RNF145: variants seen among roughly 807,000 people sequenced by gnomAD.
RNF145 encodes the protein ring finger protein 145.
Under a neutral mutation model 57.3 loss-of-function variants are expected in RNF145, and 12 were observed. That is an observed-to-expected ratio of 0.21 (90% CI 0.13 to 0.34). The LOEUF is 0.34. Among genes scored for constraint, RNF145 ranks in the 10% least tolerant of loss-of-function variants. The probability of loss-of-function intolerance (pLI) is 1.00; values close to 1 mark genes in which losing one functional copy is unlikely to be tolerated. For missense variants in RNF145, 429 were observed against 799.0 expected (o/e 0.54, Z 5.58); for synonymous variants, 262 against 288.3 (o/e 0.91, Z 0.92).
At chr5:159,173,241 G>C (rs902465692) in intron 6 of RNF145, among the ~76,000 whole-genome samples, 1 of 150,998 alleles carries the variant, frequency 6.6e-6, no homozygotes, top group African/African-American at 2.4e-5. Flanking sequence ...TTTTTTTTTT[G>C]CAAGTTTTTT....
At position 159,194,832 on chromosome 5, in the gene RNF145, A is replaced by T; in HGVS notation, c.185-8T>A. Reference sequence around the variant, plus strand: ...CCACACTTAAGATATAACCTGTACCAGAAAGATAAATAAAATACAATTTTA... The same window carrying T: ...CCACACTTAAGATATAACCTGTACCTGAAAGATAAATAAAATACAATTTTA... On this transcript the variant is annotated splice_polypyrimidine_tract_variant and splice_region_variant and intron_variant, in intron 2 of 10. Transcript: ENST00000424310. 1 of 1,532,276 alleles carries T rather than the reference A, an allele frequency of 6.5e-7. No homozygotes were observed. Among genetic ancestry groups the T allele is most frequent in the Non-Finnish European group, 8.9e-7 (1 of 1,120,326 alleles). 94.9% of individuals were successfully genotyped at this position (1,532,276 alleles called of 1,614,324 possible). A position where few individuals can be genotyped will look rare whatever the true frequency, so the allele number is the denominator to read the frequency against.
At chr5:159,197,032 A>G (rs1025006975) in intron 2 of RNF145, among the ~76,000 whole-genome samples, 2 of 152,242 alleles carry the variant, frequency 1.3e-5, no homozygotes, top group Admixed American at 1.3e-4. Flanking sequence ...GCATTCCTAG[A>G]CATGGAAGAT....
chr5:159,195,829 A>AT (rs2113215529), intron 2 of RNF145, among the ~76,000 whole-genome samples: 1 of 152,304 alleles, frequency 6.6e-6, no homozygotes, highest in African/African-American at 2.4e-5. Flanking sequence ...ACATATCCTC[A>AT]TTTCTTAATC....
chr5:159,208,171 C>A, intron 1 of RNF145: 1 of 1,385,612 alleles, frequency 7.2e-7, no homozygotes, highest in Non-Finnish European at 9.3e-7. Context: ...ACTACAGTAA[C>A]CCCAACCCAG....
chr5:159,196,856 G>A lies in RNF145; in HGVS notation c.185-2032C>T, dbSNP rs564957895. ...ACTTCTCCTTAAACTCTCTTTTAAC[G>A]AAACTGTCATTTTCCTTTCCAGAAC... On this transcript the variant is annotated intron_variant, in intron 2 of 10. Transcript: ENST00000424310. Among the ~76,000 whole-genome samples, 5 of 152,230 alleles carry A rather than the reference G, an allele frequency of 3.3e-5. No individual in the cohort carries two copies. The South Asian group carries it at 8.3e-4, about 25-fold the overall frequency.
At chr5:159,172,669 A>G (rs564605796) in intron 6 of RNF145, among the ~76,000 whole-genome samples, 5 of 152,306 alleles carry the variant, frequency 3.3e-5, no homozygotes, top group East Asian at 1.9e-4. Flanking sequence ...CAGTACCAGT[A>G]TAAGTTTATC....
chr5:159,194,939 T>C, intron 2 of RNF145, 115 bp from the exon 3 acceptor site: 1 of 680,318 alleles, frequency 1.5e-6, no homozygotes. Flanking sequence ...CTTTCTGAGG[T>C]TTTTTATTAT....
At chr5:159,209,787 A>G, upstream of RNF145, 1 of 1,453,622 alleles carries the variant, frequency 6.9e-7, no homozygotes, top group Non-Finnish European at 9.3e-7. Context: ...GACAGGCGCC[A>G]TTCTGACACA....
chr5:159,180,884 T>A (rs1266045825), intron 4 of RNF145, among the ~76,000 whole-genome samples: 2 of 151,894 alleles, frequency 1.3e-5, no homozygotes, highest in Non-Finnish European at 2.9e-5. Flanking sequence ...AGTTTTAGAT[T>A]TTGCAGGCTG....
chr5:159,179,329 C>A (rs1374015668), intron 4 of RNF145, among the ~76,000 whole-genome samples: 4 of 152,080 alleles, frequency 2.6e-5, no homozygotes, highest in Non-Finnish European at 1.5e-5. Flanking sequence ...TTGCCTATTT[C>A]AACTTTTAAC....
intron 10 of RNF145, among the ~76,000 whole-genome samples, chr5:159,160,514 T>A (rs111653954): frequency 7.0e-4 from 106 of 152,308 alleles, no homozygotes; most frequent in South Asian, 1.2e-3. Context: ...ACTCTTTGAG[T>A]GACTTTAAAA....
intron 6 of RNF145, among the ~76,000 whole-genome samples, chr5:159,172,664 C>A (rs2113123515): frequency 6.6e-6 from 1 of 152,230 alleles, no homozygotes; most frequent in African/African-American, 2.4e-5. Context: ...TGATTCAGTA[C>A]CAGTATAAGT....
chr5:159,161,457 A>C lies in RNF145; in HGVS notation c.1435T>G (p.Phe479Val). The C allele has an allele frequency of 2.5e-6, 4 of 1,614,228 alleles. No homozygotes were observed. The highest frequency in any genetic ancestry group is 3.4e-6 in the Non-Finnish European group (4 of 1,180,036). Residue 479 changes from phenylalanine (F) to valine (V), a missense_variant, in exon 10 of 11, where the codon TTT (phenylalanine) becomes GTT (valine). Physicochemically the swap from Phe to Val is conservative, Grantham distance 50 (BLOSUM62 -1). This residue lies in a region of RNF145 where 216 missense variants were observed against 457.6 expected (regional missense o/e 0.47). Transcript: ENST00000424310. ...GAGCCCATCACTGTCCATTCTCCAA[A>C]GATGGTCTCTGAGACGCCATAGGCC... ...VVAYGVSETI[F>V]GEWTVMGSMI...
chr5:159,163,768 T>C (rs992322008), intron 8 of RNF145, among the ~76,000 whole-genome samples: 2 of 152,154 alleles, frequency 1.3e-5, no homozygotes, highest in African/African-American at 4.8e-5. Context: ...CACTCCTAAT[T>C]TTTCCATCCA....
intron 4 of RNF145, among the ~76,000 whole-genome samples, chr5:159,181,002 G>A (rs1323807111): frequency 2.6e-5 from 4 of 151,830 alleles, no homozygotes; most frequent in African/African-American, 7.3e-5. Flanking sequence ...CTCAGGCGAC[G>A]GATGCACCAA....
At chr5:159,184,399 A>T (rs1057380439) in intron 3 of RNF145, among the ~76,000 whole-genome samples, 1 of 152,246 alleles carries the variant, frequency 6.6e-6, no homozygotes, top group Non-Finnish European at 1.5e-5. Context: ...TACTGAATAC[A>T]TAAGTGCTGG....
intron 8 of RNF145, among the ~76,000 whole-genome samples, chr5:159,167,752 C>A (rs1028879615): frequency 6.6e-6 from 1 of 152,154 alleles, no homozygotes; most frequent in African/African-American, 2.4e-5. Flanking sequence ...TTAAGAAGAT[C>A]TGAAACATGT....
chr5:159,188,230 AC>A (rs1306963673), intron 3 of RNF145, among the ~76,000 whole-genome samples: 1 of 151,812 alleles, frequency 6.6e-6, no homozygotes, highest in Non-Finnish European at 1.5e-5. Flanking sequence ...AAAAAAAAAT[AC>A]AAAAAATTAG....
At chr5:159,210,007 G>A (rs879865329), upstream of RNF145, 9 of 993,422 alleles carry the variant, frequency 9.1e-6, no homozygotes, top group Non-Finnish European at 1.4e-5. Flanking sequence ...CCAGCACCAA[G>A]TGCAGGCACT....
Sources: gnomAD v4.1 joint callset for allele counts (sites outside exome capture counted in the v4.1 genomes callset) on GRCh38, gnomAD v4.1.1 for gene constraint, gnomAD v4.1.1 regional missense constraint, MANE v1.5 for transcripts, NCBI Gene and HGNC (gene_info 2026-07-23, HGNC 2026-07-21) for gene names.